The following PIP5K1B variants were observed in gnomAD, a reference collection of about 807,000 sequenced individuals.
The protein encoded by PIP5K1B is phosphatidylinositol 4-phosphate 5-kinase type-1 beta.
In PIP5K1B, 42 loss-of-function variants were observed where a neutral mutation model predicts 67.0. That is an observed-to-expected ratio of 0.63 (90% CI 0.49 to 0.81). PIP5K1B has a LOEUF of 0.81. Ranked by LOEUF, PIP5K1B falls within the 30% of genes least tolerant of loss-of-function variation. The pLI is 0.00. For missense variants in PIP5K1B, 459 were observed against 646.3 expected (o/e 0.71, Z 3.14); for synonymous variants, 214 against 231.4 (o/e 0.92, Z 0.68).
intron 14 of PIP5K1B, among the ~76,000 whole-genome samples, chr9:68,987,134 C>G (rs1398454999): frequency 6.6e-6 from 1 of 152,044 alleles, no homozygotes; most frequent in Non-Finnish European, 1.5e-5. Flanking sequence ...CGCCTGTAAT[C>G]TCATTTACTC....
intron 2 of PIP5K1B, among the ~76,000 whole-genome samples, chr9:68,815,607 T>G (rs1833401362): frequency 1.3e-5 from 2 of 152,036 alleles, no homozygotes; most frequent in South Asian, 4.1e-4. Flanking sequence ...CAAAATTTGA[T>G]TCAAAGAAAG....
chr9:68,993,045 C>T (rs1168521381), intron 15 of PIP5K1B, among the ~76,000 whole-genome samples: 1 of 151,796 alleles, frequency 6.6e-6, no homozygotes, highest in East Asian at 1.9e-4. Flanking sequence ...GCCTGTAGTC[C>T]CAGCTACTCG....
chr9:68,855,665 C>T (rs1258494431), intron 4 of PIP5K1B, among the ~76,000 whole-genome samples: 2 of 152,258 alleles, frequency 1.3e-5, no homozygotes, highest in East Asian at 1.9e-4. Flanking sequence ...ATCTCAAATC[C>T]ACCTCCTCTG....
At chr9:68,755,511 C>T (rs1829881483) in intron 2 of PIP5K1B, among the ~76,000 whole-genome samples, 1 of 152,108 alleles carries the variant, frequency 6.6e-6, no homozygotes, top group South Asian at 2.1e-4. Flanking sequence ...ATAAGTAACA[C>T]AAGATTTTTC....
chr9:68,766,440 C>T (rs1830431520), intron 2 of PIP5K1B, among the ~76,000 whole-genome samples: 1 of 152,148 alleles, frequency 6.6e-6, no homozygotes, highest in African/African-American at 2.4e-5. Flanking sequence ...AATTAACCTA[C>T]CTGCTTATCC....
At chr9:68,929,473 T>C (rs1826883463) in intron 12 of PIP5K1B, among the ~76,000 whole-genome samples, 1 of 152,136 alleles carries the variant, frequency 6.6e-6, no homozygotes, top group Non-Finnish European at 1.5e-5. Flanking sequence ...TCCTGGTGTA[T>C]CTTTTTCCTC....
At chr9:68,794,409 TCTTTC>T (rs1251175848) in intron 2 of PIP5K1B, among the ~76,000 whole-genome samples, 2 of 152,110 alleles carry the variant, frequency 1.3e-5, no homozygotes, top group Non-Finnish European at 2.9e-5. Context: ...TTTCTTTCTT[TCTTTC>T]TTTCTTTTCT....
rs1192766175 is a variant in PIP5K1B at position 69,008,575 on chromosome 9, A to G, written c.*126A>G. The G allele has an allele frequency of 1.1e-6, 1 of 917,450 alleles. No individual in the cohort carries two copies. Among genetic ancestry groups the G allele is most frequent in the South Asian group, 1.3e-5 (1 of 75,014 alleles). 56.8% of individuals were successfully genotyped at this position (917,450 alleles called of 1,614,324 possible). On this transcript the variant is annotated 3_prime_UTR_variant, in exon 16 of 16. Coordinates refer to ENST00000265382, the MANE Select transcript of PIP5K1B (RefSeq NM_003558.4). ...CCCACTACACACAGAGAAATCATCA[A>G]CCTGACTTAAGAGTTTTCAAGATGT...
intron 14 of PIP5K1B, among the ~76,000 whole-genome samples, chr9:68,973,282 GA>G (rs200054446): frequency 1.9e-4 from 28 of 150,540 alleles, no homozygotes; most frequent in Non-Finnish European, 3.6e-4. Flanking sequence ...ACATTAACAA[GA>G]AAAAAAAATC....
intron 1 of PIP5K1B, among the ~76,000 whole-genome samples, chr9:68,719,294 A>T (rs2132257673): frequency 6.6e-6 from 1 of 152,298 alleles, no homozygotes; most frequent in South Asian, 2.1e-4. Flanking sequence ...TTTTGGTAAC[A>T]GCTTTATTTG....
chr9:68,966,277 T>G (rs1287821054), intron 14 of PIP5K1B, among the ~76,000 whole-genome samples: 5 of 152,178 alleles, frequency 3.3e-5, no homozygotes, highest in Non-Finnish European at 7.3e-5. Flanking sequence ...ACCCCATCCC[T>G]TAAGCGTTGG....
At chr9:69,003,352 A>G (rs191430225) in intron 15 of PIP5K1B, among the ~76,000 whole-genome samples, 13 of 152,256 alleles carry the variant, frequency 8.5e-5, no homozygotes, top group African/African-American at 3.1e-4. Context: ...GCTTTCGTCA[A>G]AGATATTTGG....
intron 14 of PIP5K1B, among the ~76,000 whole-genome samples, chr9:68,956,835 C>G (rs1168057531): frequency 6.6e-6 from 1 of 152,072 alleles, no homozygotes; most frequent in African/African-American, 2.4e-5. Flanking sequence ...ATATGTATCC[C>G]CTCAGGCTTC....
At chr9:68,733,730 C>G (rs570112155) in intron 1 of PIP5K1B, among the ~76,000 whole-genome samples, 34 of 141,554 alleles carry the variant, frequency 2.4e-4, no homozygotes, top group Non-Finnish European at 4.1e-4. Context: ...ACCTCCGCCT[C>G]CCGGGTTCAG....
chr9:68,772,849 G>T (rs1384765738), intron 2 of PIP5K1B, among the ~76,000 whole-genome samples: 1 of 152,136 alleles, frequency 6.6e-6, no homozygotes, highest in African/African-American at 2.4e-5. Flanking sequence ...AGTGGAAAAC[G>T]GGTAGGATCA....
At chr9:68,957,753 G>C (rs1828476658) in intron 14 of PIP5K1B, among the ~76,000 whole-genome samples, 1 of 152,166 alleles carries the variant, frequency 6.6e-6, no homozygotes, top group South Asian at 2.1e-4. Flanking sequence ...CACCTCTTAA[G>C]TGGGGTCTTA....
intron 11 of PIP5K1B, among the ~76,000 whole-genome samples, chr9:68,921,894 C>T (rs12348451): frequency 0.11 from 16,840 of 152,126 alleles, 2,128 homozygotes; most frequent in African/African-American, 0.31. Flanking sequence ...CTATCATCTG[C>T]TTTTCTTTTC....
intron 8 of PIP5K1B, among the ~76,000 whole-genome samples, chr9:68,915,388 C>T (rs1005137649): frequency 3.3e-5 from 5 of 152,110 alleles, no homozygotes; most frequent in African/African-American, 1.2e-4. Flanking sequence ...GGTTAAGGCC[C>T]TTCTACCACT....
chr9:68,812,447 G>A (rs1833220925), intron 2 of PIP5K1B, among the ~76,000 whole-genome samples: 1 of 152,202 alleles, frequency 6.6e-6, no homozygotes, highest in South Asian at 2.1e-4. Context: ...AAAAGTCATT[G>A]TCTGGCACAT....
Sources: gnomAD v4.1 joint callset for allele counts (sites outside exome capture counted in the v4.1 genomes callset) on GRCh38, gnomAD v4.1.1 for gene constraint, MANE v1.5 for transcripts, NCBI Gene and HGNC (gene_info 2026-07-23, HGNC 2026-07-21) for gene names.